Variants in IKZF2 observed in about 807,000 individuals in gnomAD.
IKZF2 encodes the protein zinc finger protein Helios.
A neutral mutation model predicts 49.2 loss-of-function variants in IKZF2; 15 were observed. The observed-to-expected ratio is 0.30, with a 90% CI of 0.20 to 0.47. IKZF2 has a LOEUF of 0.47. Ranked by LOEUF, IKZF2 falls within the 20% of genes least tolerant of loss-of-function variation. The probability of loss-of-function intolerance (pLI) is 1.00; values close to 1 mark genes in which losing one functional copy is unlikely to be tolerated. For synonymous variants in IKZF2, 227 were observed against 221.4 expected, an observed-to-expected ratio of 1.03 and a Z score of -0.23; for missense variants, 567 against 664.6, an observed-to-expected ratio of 0.85 and a Z score of 1.61.
chr2:213,061,962 C>A (rs1230808607), intron 4 of IKZF2, among the ~76,000 whole-genome samples: 1 of 151,494 alleles, frequency 6.6e-6, no homozygotes, highest in Non-Finnish European at 1.5e-5. Flanking sequence ...TATGCTATAA[C>A]TTCACAAAGT....
chr2:213,019,729 C>T (rs1469532911), intron 7 of IKZF2, among the ~76,000 whole-genome samples: 1 of 152,192 alleles, frequency 6.6e-6, no homozygotes, highest in African/African-American at 2.4e-5. Flanking sequence ...AGTGCCCCTA[C>T]CCCTTTCCCA....
intron 6 of IKZF2, among the ~76,000 whole-genome samples, chr2:213,029,495 G>A (rs1054734203): frequency 2.6e-5 from 4 of 151,648 alleles, no homozygotes; most frequent in Admixed American, 6.6e-5. Context: ...AGTGATTTCC[G>A]GTTTTTATTC....
At chr2:213,150,302 C>T in intron 1 of IKZF2, 55 bp from the exon 2 acceptor site, 1 of 622,286 alleles carries the variant, frequency 1.6e-6, no homozygotes, top group Non-Finnish European at 2.7e-6. Flanking sequence ...CCCCTTCTCT[C>T]TTTCCCTCCC....
intron 4 of IKZF2, among the ~76,000 whole-genome samples, chr2:213,145,782 G>C (rs1297494964): frequency 6.6e-6 from 1 of 152,070 alleles, no homozygotes; most frequent in East Asian, 1.9e-4. Flanking sequence ...AAAAGAACCT[G>C]AAAACACGTG....
At chr2:213,066,768 G>A (rs1238014833) in intron 4 of IKZF2, among the ~76,000 whole-genome samples, 1 of 151,978 alleles carries the variant, frequency 6.6e-6, no homozygotes, top group East Asian at 1.9e-4. Flanking sequence ...ATGAATGAAT[G>A]AGCATTTTAA....
At chr2:213,057,914 G>A (rs925578112) in intron 4 of IKZF2, among the ~76,000 whole-genome samples, 1 of 152,114 alleles carries the variant, frequency 6.6e-6, no homozygotes, top group African/African-American at 2.4e-5. Flanking sequence ...TCATCCCACA[G>A]AAAAGTTGGA....
At chr2:213,015,854 T>C (rs144837458) in intron 7 of IKZF2, among the ~76,000 whole-genome samples, 1 of 152,192 alleles carries the variant, frequency 6.6e-6, no homozygotes, top group East Asian at 1.9e-4. Flanking sequence ...AAATTAAATA[T>C]GCTAATTTGT....
intron 4 of IKZF2, among the ~76,000 whole-genome samples, chr2:213,135,893 C>CA (rs200620785): frequency 2.5e-3 from 355 of 144,048 alleles, no homozygotes; most frequent in African/African-American, 8.4e-3. Flanking sequence ...ACTAAAAATG[C>CA]AAAAAAAAAT....
At chr2:213,139,168 G>A (rs1472012537) in intron 4 of IKZF2, among the ~76,000 whole-genome samples, 2 of 151,778 alleles carry the variant, frequency 1.3e-5, no homozygotes, top group East Asian at 3.9e-4. Flanking sequence ...AGAACTCGTC[G>A]TAACCTGATT....
At chr2:213,042,515 A>G (rs968260248) in intron 6 of IKZF2, among the ~76,000 whole-genome samples, 3 of 152,228 alleles carry the variant, frequency 2.0e-5, no homozygotes, top group African/African-American at 7.2e-5. Flanking sequence ...TATTTATGCC[A>G]GTTTACCTGC....
chr2:213,060,013 C>T (rs1701530628), intron 4 of IKZF2, among the ~76,000 whole-genome samples: 1 of 151,118 alleles, frequency 6.6e-6, no homozygotes. Context: ...CAATAAAGTG[C>T]AACACATTTT....
chr2:213,086,934 T>C (rs1405977907), intron 4 of IKZF2, among the ~76,000 whole-genome samples: 1 of 152,172 alleles, frequency 6.6e-6, no homozygotes, highest in Non-Finnish European at 1.5e-5. Context: ...AAAAACAGAC[T>C]GTGGTTTTAT....
rs1323685769 is a variant in IKZF2 at position 213,007,901 on chromosome 2, A to C, written c.1040T>G (p.Val347Gly). The C allele has an allele frequency of 3.1e-6, 5 of 1,613,568 alleles. No individual in the cohort carries two copies. Among genetic ancestry groups the C allele is most frequent in the Non-Finnish European group, 3.4e-6 (4 of 1,179,748 alleles). Residue 347 changes from valine to glycine, a missense_variant, in exon 9 of 9, where the codon GTG (valine) becomes GGG (glycine). Transcript: ENST00000434687. ...ATAAGCTGAGCTTATAACTGGGGCC[A>C]CTTCAGCGATTGTGCTTGGCGGGTG... ...MQHPPSTIAE[V>G]APVISSAYSQ...
chr2:213,143,085 T>G (rs1372416490), intron 4 of IKZF2, among the ~76,000 whole-genome samples: 1 of 152,020 alleles, frequency 6.6e-6, no homozygotes, highest in Non-Finnish European at 1.5e-5. Flanking sequence ...GGACTGGAAC[T>G]CTGCTATTGA....
At chr2:213,010,183 CA>C (rs952340753) in intron 8 of IKZF2, among the ~76,000 whole-genome samples, 2 of 151,916 alleles carry the variant, frequency 1.3e-5, no homozygotes, top group Non-Finnish European at 2.9e-5. Context: ...TAATAATGTC[CA>C]GTAAGTTTAG....
At chr2:213,087,116 A>T (rs2125610896) in intron 4 of IKZF2, among the ~76,000 whole-genome samples, 1 of 152,316 alleles carries the variant, frequency 6.6e-6, no homozygotes, top group Non-Finnish European at 1.5e-5. Flanking sequence ...AGGGGAAGTC[A>T]AATCAGTGGA....
intron 4 of IKZF2, among the ~76,000 whole-genome samples, chr2:213,079,121 T>C (rs956098885): frequency 1.3e-5 from 2 of 152,116 alleles, no homozygotes; most frequent in African/African-American, 2.4e-5. Flanking sequence ...TCATGGCTCA[T>C]GCCTGTAGTC....
In IKZF2 at chr2:213,027,607, TTTCCTTTG is replaced by T. The variant is rs545710274; in HGVS notation, c.575-5485_575-5478del. 9.7e-4 allele frequency among the ~76,000 whole-genome samples: 147 copies of T among 152,252 alleles called. 1 individual carries two copies. Among genetic ancestry groups the T allele is most frequent in the African/African-American group, 3.4e-3 (141 of 41,566 alleles). ...TTATTACAGAGTTGTTATCCAGAAC[TTTCCTTTG>T]TCCCCCTCATGATTAGTCTTCTGCT... On this transcript the variant is annotated intron_variant, in intron 6 of 8. Coordinates refer to ENST00000434687, the MANE Select transcript of IKZF2 (RefSeq NM_001387220.1).
intron 4 of IKZF2, among the ~76,000 whole-genome samples, chr2:213,094,041 G>A (rs898880243): frequency 1.2e-4 from 18 of 152,138 alleles, no homozygotes; most frequent in Non-Finnish European, 1.3e-4. Context: ...CCAGAGATGT[G>A]AACATGTGAA....
Sources: gnomAD v4.1 joint callset for allele counts (sites outside exome capture counted in the v4.1 genomes callset) on GRCh38, gnomAD v4.1.1 for gene constraint, MANE v1.5 for transcripts, NCBI Gene and HGNC (gene_info 2026-07-23, HGNC 2026-07-21) for gene names.